TRDN: variants seen among roughly 807,000 people sequenced by gnomAD.
The protein encoded by TRDN is triadin, also known as triadin in skeletal muscle.
A neutral mutation model predicts 149.7 loss-of-function variants in TRDN; 161 were observed. The observed-to-expected ratio is 1.08, with a 90% CI of 0.95 to 1.23. The LOEUF is 1.23. Ranked by LOEUF, TRDN falls within the 50% of genes most tolerant of loss-of-function variation. TRDN has a pLI of 0.00. For synonymous variants in TRDN, 294 were observed against 250.5 expected, an observed-to-expected ratio of 1.17 and a Z score of -1.64; for missense variants, 896 against 823.5, an observed-to-expected ratio of 1.09 and a Z score of -1.08.
At chr6:123,582,107 G>A (rs190883707) in intron 1 of TRDN, among the ~76,000 whole-genome samples, 268 of 152,184 alleles carry the variant, frequency 1.8e-3, no homozygotes, top group African/African-American at 6.3e-3. Flanking sequence ...AAAGTTACAG[G>A]CAAAACCAAT....
chr6:123,485,019 G>C (rs1457280922), intron 9 of TRDN, among the ~76,000 whole-genome samples: 1 of 152,164 alleles, frequency 6.6e-6, no homozygotes, highest in Admixed American at 6.5e-5. Flanking sequence ...ACAGTGACTA[G>C]AATGTTTAAT....
chr6:123,502,105 G>T, intron 8 of TRDN: 1 of 984,028 alleles, frequency 1.0e-6, no homozygotes, highest in Non-Finnish European at 1.2e-6. Flanking sequence ...TACTTTGTAG[G>T]TTTTCACTGA....
At chr6:123,487,283 T>G (rs1778015373) in intron 9 of TRDN, among the ~76,000 whole-genome samples, 1 of 152,108 alleles carries the variant, frequency 6.6e-6, no homozygotes, top group Non-Finnish European at 1.5e-5. Flanking sequence ...CATGTCACTG[T>G]TGGTCCTCCT....
At chr6:123,586,142 T>G (rs1487869322) in intron 1 of TRDN, among the ~76,000 whole-genome samples, 1 of 152,050 alleles carries the variant, frequency 6.6e-6, no homozygotes, top group Non-Finnish European at 1.5e-5. Context: ...GGGAGAGGTC[T>G]GATAAAGAAA....
chr6:123,516,054 G>A (rs931664186), intron 6 of TRDN, 87 bp downstream of exon 6: 21 of 1,237,496 alleles, frequency 1.7e-5, no homozygotes, highest in Admixed American at 4.0e-5. Flanking sequence ...GTAAAACTGC[G>A]TGGTCATCTA....
At chr6:123,627,987 T>C (rs1785766460) in intron 1 of TRDN, among the ~76,000 whole-genome samples, 1 of 152,208 alleles carries the variant, frequency 6.6e-6, no homozygotes, top group Non-Finnish European at 1.5e-5. Context: ...TGAAAGAGAA[T>C]TCTGGCTGGT....
At chr6:123,370,765 T>C (rs187527368) in intron 19 of TRDN, among the ~76,000 whole-genome samples, 30 of 152,184 alleles carry the variant, frequency 2.0e-4, no homozygotes, top group Admixed American at 1.3e-3. Context: ...AAATACTATC[T>C]TGTACTTTTA....
chr6:123,478,158 A>G (rs62420485), intron 9 of TRDN, among the ~76,000 whole-genome samples: 6 of 152,112 alleles, frequency 3.9e-5, no homozygotes, highest in Admixed American at 1.3e-4. Context: ...AACTATTTGG[A>G]CAGTCAAGAT....
At chr6:123,461,184 G>A (rs775055453) in intron 10 of TRDN, among the ~76,000 whole-genome samples, 44 of 152,112 alleles carry the variant, frequency 2.9e-4, no homozygotes, top group Non-Finnish European at 3.4e-4. Flanking sequence ...CATAGGTGAA[G>A]AAATTGAGGC....
intron 10 of TRDN, among the ~76,000 whole-genome samples, chr6:123,448,806 C>T (rs144231861): frequency 6.6e-6 from 1 of 152,114 alleles, no homozygotes; most frequent in East Asian, 1.9e-4. Flanking sequence ...TAAGAACCCT[C>T]ACAGAGTCCA....
intron 7 of TRDN, chr6:123,509,974 T>A (rs1278937653): frequency 6.6e-6 from 1 of 152,180 alleles, no homozygotes; most frequent in Non-Finnish European, 1.5e-5. Flanking sequence ...ACTTTCTTCA[T>A]CTGTTAAACG....
At position 123,276,787 on chromosome 6, in the gene TRDN, A is replaced by C. The variant is rs558799818; in HGVS notation, c.1567+1531T>G. ...TTTCGAGAATTTTAAAGAAGCAAAAACAATGCCAGCCTGGACAAAAAAGGG... is the reference window on the plus strand; with the variant it reads ...TTTCGAGAATTTTAAAGAAGCAAAACCAATGCCAGCCTGGACAAAAAAGGG... On this transcript the variant is annotated intron_variant, in intron 26 of 40. Transcript: ENST00000334268. 2.6e-5 allele frequency among the ~76,000 whole-genome samples: 4 copies of C among 152,276 alleles called. No homozygotes were observed. In the East Asian group the frequency reaches 7.7e-4, roughly 29 times the overall value.
rs1023451552 is a variant in TRDN at position 123,455,133 on chromosome 6, G to A, written c.931+9773C>T. Among the ~76,000 whole-genome samples, 9 of 151,962 alleles carry A rather than the reference G, an allele frequency of 5.9e-5. No individual in the cohort carries two copies. The South Asian group carries it at 1.7e-3, about 28-fold the overall frequency. ...CACAACCAAAGTTATTTGACTTCAC[G>A]ATTTTTTTTTCATATTTCTGAATTT... On this transcript the variant is annotated intron_variant, in intron 10 of 40. Transcript: ENST00000334268.
chr6:123,372,965 C>T (rs2114384921), intron 19 of TRDN, among the ~76,000 whole-genome samples: 1 of 151,998 alleles, frequency 6.6e-6, no homozygotes, highest in South Asian at 2.1e-4. Flanking sequence ...AGTCTAGTTT[C>T]AGCATCCCTG....
At position 123,242,262 on chromosome 6, in the gene TRDN, GA is replaced by G. The variant is rs149554109; in HGVS notation, c.1975+10149del. ...TAGGATGTATTTTTGCTTTTTTAGA[GA>G]AAAAGTTTTCAAAAAATTTAAAATG... On this transcript the variant is annotated intron_variant, in intron 38 of 40. Coordinates refer to ENST00000334268, the MANE Select transcript of TRDN (RefSeq NM_006073.4). Among the ~76,000 whole-genome samples, 265 of 152,206 alleles carry G rather than the reference GA, an allele frequency of 1.7e-3. 1 individual carries two copies. The highest frequency in any genetic ancestry group is 3.2e-3 in the Non-Finnish European group (215 of 68,008).
chr6:123,489,074 T>G (rs374453672), intron 9 of TRDN, among the ~76,000 whole-genome samples: 2 of 152,170 alleles, frequency 1.3e-5, no homozygotes, highest in African/African-American at 2.4e-5. Flanking sequence ...ACCTTAGCCT[T>G]GTATATTTTT....
At chr6:123,331,745 T>A in intron 23 of TRDN, 134 bp downstream of exon 23, 1 of 558,052 alleles carries the variant, frequency 1.8e-6, no homozygotes, top group Non-Finnish European at 2.9e-6. Context: ...TAAATCTTTT[T>A]TCTTTTGCTT....
At chr6:123,486,416 G>A (rs940290760) in intron 9 of TRDN, among the ~76,000 whole-genome samples, 2 of 151,744 alleles carry the variant, frequency 1.3e-5, no homozygotes, top group Non-Finnish European at 2.9e-5. Context: ...TTGCCGTTTA[G>A]CTGATAATTT....
intron 21 of TRDN, chr6:123,352,084 T>C: frequency 1.0e-6 from 1 of 979,814 alleles, no homozygotes; most frequent in Non-Finnish European, 1.2e-6. Context: ...TAATATACTC[T>C]ATTTTTGCTG....
Sources: allele counts gnomAD v4.1 joint callset (sites outside exome capture counted in the v4.1 genomes callset), GRCh38; gene constraint gnomAD v4.1.1; transcripts MANE v1.5; gene names NCBI Gene and HGNC (gene_info 2026-07-23, HGNC 2026-07-21).